MCPH1: variants seen among roughly 807,000 people sequenced by gnomAD.
The protein encoded by MCPH1 is microcephalin.
In MCPH1, 104 loss-of-function variants were observed where a neutral mutation model predicts 84.5. The ratio of observed to expected loss-of-function variants is 1.23; its 90% CI spans 1.05 to 1.45. MCPH1 has a LOEUF of 1.45. Among genes scored for constraint, MCPH1 ranks in the 40% most tolerant of loss-of-function variants. MCPH1 has a pLI of 0.00. For synonymous variants in MCPH1, 514 were observed against 366.8 expected, an observed-to-expected ratio of 1.40 and a Z score of -4.58; for missense variants, 1,498 against 1,005.7, an observed-to-expected ratio of 1.49 and a Z score of -6.62.
At chr8:6,508,915 C>G (rs778332069) in intron 12 of MCPH1, 1 of 1,614,042 alleles carries the variant, frequency 6.2e-7, no homozygotes, top group South Asian at 1.1e-5. Flanking sequence ...AATAGGAAGA[C>G]AGAAAGTCAT....
chr8:6,407,397 C>G (rs1797893591), intron 1 of MCPH1, among the ~76,000 whole-genome samples: 1 of 152,104 alleles, frequency 6.6e-6, no homozygotes, highest in East Asian at 1.9e-4. Flanking sequence ...TTAGGTGACT[C>G]TCCCTGTGTG....
At chr8:6,615,043 G>A (rs147887929) in intron 12 of MCPH1, among the ~76,000 whole-genome samples, 290 of 152,312 alleles carry the variant, frequency 1.9e-3, no homozygotes, top group African/African-American at 6.4e-3. Flanking sequence ...CTCACACTGC[G>A]TAAGCACGAA....
intron 13 of MCPH1, among the ~76,000 whole-genome samples, chr8:6,630,221 A>G (rs926005795): frequency 6.6e-6 from 1 of 152,200 alleles, no homozygotes; most frequent in African/African-American, 2.4e-5. Flanking sequence ...TTGGCTGGGA[A>G]AAACTTATAA....
intron 3 of MCPH1, among the ~76,000 whole-genome samples, chr8:6,428,872 T>C (rs1280866679): frequency 2.0e-5 from 3 of 152,184 alleles, no homozygotes; most frequent in Admixed American, 6.5e-5. Flanking sequence ...CTTTCACACT[T>C]GTGGCTGCTT....
At chr8:6,580,119 C>T (rs1314050754) in intron 12 of MCPH1, among the ~76,000 whole-genome samples, 3 of 152,158 alleles carry the variant, frequency 2.0e-5, no homozygotes, top group African/African-American at 4.8e-5. Flanking sequence ...TGGGAAGTAT[C>T]GGTAGACGCT....
chr8:6,484,786 G>C (rs943379177), intron 11 of MCPH1, among the ~76,000 whole-genome samples: 1 of 152,202 alleles, frequency 6.6e-6, no homozygotes, highest in Non-Finnish European at 1.5e-5. Flanking sequence ...GCTGTATAAG[G>C]CCATTTCTTT....
intron 12 of MCPH1, among the ~76,000 whole-genome samples, chr8:6,515,273 C>T (rs1296436206): frequency 6.6e-6 from 1 of 152,124 alleles, no homozygotes. Flanking sequence ...GTTTGGAGGA[C>T]TCCTGTTACA....
chr8:6,437,225 C>T (rs1013537207), intron 5 of MCPH1, among the ~76,000 whole-genome samples: 9 of 151,814 alleles, frequency 5.9e-5, no homozygotes, highest in Non-Finnish European at 1.3e-4. Flanking sequence ...ATAGAATTGT[C>T]GAGATTTATT....
chr8:6,467,421 A>T (rs1807120201), intron 9 of MCPH1, among the ~76,000 whole-genome samples: 1 of 152,214 alleles, frequency 6.6e-6, no homozygotes, highest in African/African-American at 2.4e-5. Flanking sequence ...CATCATTAAA[A>T]GCAGTACTAA....
Position 6,647,390 on chromosome 8 carries a change from C to G in MCPH1, c.*4341C>G, listed in dbSNP as rs1798264079. On this transcript the variant is annotated 3_prime_UTR_variant, in exon 14 of 14. Transcript: ENST00000344683. ...GCAGTTGCTTAAAAAATTGAACATT[C>G]AACTACCATATGACCCAGCAATTTC... 6.6e-6 allele frequency: 1 copy of G among 152,168 alleles called. No homozygotes were observed. The highest frequency in any genetic ancestry group is 1.5e-5 in the Non-Finnish European group (1 of 68,036). 9.4% of individuals were successfully genotyped at this position (152,168 alleles called of 1,614,324 possible). A position where few individuals can be genotyped will look rare whatever the true frequency, so the allele number is the denominator to read the frequency against.
At chr8:6,455,053 C>T in intron 8 of MCPH1, 90 bp from the exon 9 acceptor site, 3 of 942,788 alleles carry the variant, frequency 3.2e-6, no homozygotes, top group Non-Finnish European at 1.8e-6. Context: ...CTTCCTGTTT[C>T]CATTATGCAT....
rs1798083441 is a variant in MCPH1, at chr8:6,643,843, C to A, written c.*794C>A. ...GTGACATCTGAGTGTCTTACTTCTG[C>A]AAGCCTGCTTTATGGTGAGCAAAGC... On this transcript the variant is annotated 3_prime_UTR_variant, in exon 14 of 14. Transcript: ENST00000344683. The A allele has an allele frequency of 6.6e-6, 1 of 152,212 alleles. No individual in the cohort carries two copies. The highest frequency in any genetic ancestry group is 2.1e-4 in the South Asian group (1 of 4,832). 9.4% of individuals were successfully genotyped at this position (152,212 alleles called of 1,614,324 possible).
chr8:6,540,949 A>T (rs77238441), intron 12 of MCPH1, among the ~76,000 whole-genome samples: 24,560 of 152,260 alleles, frequency 0.16, 2,071 homozygotes, highest in Admixed American at 0.19. Flanking sequence ...CTGGGGCAAG[A>T]ATGGGGACTG....
intron 3 of MCPH1, among the ~76,000 whole-genome samples, chr8:6,421,485 A>G (rs1463240864): frequency 6.6e-6 from 1 of 151,810 alleles, no homozygotes; most frequent in East Asian, 1.9e-4. Flanking sequence ...CCCCAGCCAA[A>G]TCCACCCTGC....
chr8:6,451,483 A>T (rs1163638778), intron 8 of MCPH1, among the ~76,000 whole-genome samples: 1 of 152,256 alleles, frequency 6.6e-6, no homozygotes, highest in Non-Finnish European at 1.5e-5. Flanking sequence ...AATTACTTTC[A>T]GTGGGAATTA....
At chr8:6,482,229 G>A (rs1809334580) in intron 11 of MCPH1, among the ~76,000 whole-genome samples, 1 of 152,180 alleles carries the variant, frequency 6.6e-6, no homozygotes, top group Non-Finnish European at 1.5e-5. Context: ...AAGTGAAAAG[G>A]TGAACGTTGT....
intron 12 of MCPH1, chr8:6,532,574 T>TTAA (rs1819725571): frequency 6.8e-6 from 4 of 589,542 alleles, no homozygotes; most frequent in Non-Finnish European, 9.9e-6. Flanking sequence ...TCCCTATCTT[T>TTAA]AAAAAAAAAA....
intron 12 of MCPH1, 157 bp from the exon 13 acceptor site, chr8:6,621,292 CATCTT>C: frequency 1.1e-6 from 1 of 876,770 alleles, no homozygotes; most frequent in South Asian, 1.6e-5. Flanking sequence ...TTAATGTCAT[CATCTT>C]CTCTGGATTC....
intron 3 of MCPH1, among the ~76,000 whole-genome samples, chr8:6,428,509 G>A (rs933178932): frequency 6.6e-6 from 1 of 152,082 alleles, no homozygotes; most frequent in Non-Finnish European, 1.5e-5. Flanking sequence ...GCACCCCTTA[G>A]CCCTATCCCC....
Sources: allele counts gnomAD v4.1 joint callset (sites outside exome capture counted in the v4.1 genomes callset), GRCh38; gene constraint gnomAD v4.1.1; transcripts MANE v1.5; gene names NCBI Gene and HGNC (gene_info 2026-07-23, HGNC 2026-07-21).